Variants in LPP observed in about 807,000 individuals in gnomAD.
LPP encodes the protein lipoma-preferred partner.
A neutral mutation model predicts 60.4 loss-of-function variants in LPP; 38 were observed. The observed-to-expected ratio is 0.63, with a 90% CI of 0.49 to 0.83. The LOEUF is 0.83. Ranked by LOEUF, LPP falls within the 40% of genes least tolerant of loss-of-function variation. LPP has a pLI of 0.00. For synonymous variants in LPP, 328 were observed against 290.8 expected (o/e 1.13, Z -1.30); for missense variants, 902 against 783.6 (o/e 1.15, Z -1.80).
intron 10 of LPP, among the ~76,000 whole-genome samples, chr3:188,868,887 T>C (rs998610492): frequency 3.3e-5 from 5 of 152,088 alleles, no homozygotes; most frequent in Admixed American, 6.6e-5. Flanking sequence ...AGGAGAGAAA[T>C]TGTGCAGATA....
chr3:188,262,930 T>C (rs1257399991), intron 2 of LPP, among the ~76,000 whole-genome samples: 1 of 151,914 alleles, frequency 6.6e-6, no homozygotes, highest in Non-Finnish European at 1.5e-5. Context: ...TACTAGGTCA[T>C]AGAAACAGTG....
intron 3 of LPP, among the ~76,000 whole-genome samples, chr3:188,351,747 C>G (rs529931747): frequency 6.6e-6 from 1 of 152,236 alleles, no homozygotes; most frequent in East Asian, 1.9e-4. Context: ...TCCTAGAACA[C>G]GGGTGTAGGG....
At chr3:188,655,695 GTTC>G (rs1321685352) in intron 7 of LPP, among the ~76,000 whole-genome samples, 1 of 152,130 alleles carries the variant, frequency 6.6e-6, no homozygotes, top group East Asian at 1.9e-4. Context: ...AGTTCAATGA[GTTC>G]TTCTCCAAGG....
chr3:188,718,059 G>T (rs1714791716), intron 8 of LPP, among the ~76,000 whole-genome samples: 1 of 152,188 alleles, frequency 6.6e-6, no homozygotes. Flanking sequence ...GACCTCAGGT[G>T]ATCCTCCTGC....
intron 1 of LPP, among the ~76,000 whole-genome samples, chr3:188,194,957 C>G (rs1729120381): frequency 6.6e-6 from 1 of 152,098 alleles, no homozygotes; most frequent in Non-Finnish European, 1.5e-5. Flanking sequence ...GTTGTTTTGA[C>G]CTAAGAAAGT....
chr3:188,824,196 C>T (rs1186907024), intron 9 of LPP, among the ~76,000 whole-genome samples: 1 of 152,148 alleles, frequency 6.6e-6, no homozygotes, highest in Non-Finnish European at 1.5e-5. Context: ...TACGTTCACT[C>T]ATTCGGGTGG....
chr3:188,211,092 G>A (rs1734575719), intron 1 of LPP, among the ~76,000 whole-genome samples: 1 of 152,196 alleles, frequency 6.6e-6, no homozygotes, highest in African/African-American at 2.4e-5. Context: ...AAATGAATGT[G>A]TAATGACCCT....
At chr3:188,428,330 G>A (rs1277619146) in intron 4 of LPP, among the ~76,000 whole-genome samples, 2 of 152,074 alleles carry the variant, frequency 1.3e-5, no homozygotes, top group East Asian at 1.9e-4. Flanking sequence ...GATCTCTCTG[G>A]GAGCTGCAGA....
intron 4 of LPP, among the ~76,000 whole-genome samples, chr3:188,460,728 G>T (rs1372363832): frequency 1.3e-5 from 2 of 152,170 alleles, no homozygotes. Context: ...TAGTTAACAT[G>T]ATCAAGATAT....
In LPP at chr3:188,879,148, T is replaced by G. The variant is rs541800628; in HGVS notation, c.*4669T>G. On this transcript the variant is annotated 3_prime_UTR_variant, in exon 12 of 12. Coordinates refer to ENST00000617246, the MANE Select transcript of LPP (RefSeq NM_001375462.1). Reference sequence around the variant, plus strand: ...TGACAGATAACTAGAATGAAACTTTTCTCATGAGGCTGTTGTTTGGTTAGC... The same window carrying G: ...TGACAGATAACTAGAATGAAACTTTGCTCATGAGGCTGTTGTTTGGTTAGC... 4.3e-6 allele frequency: 1 copy of G among 230,302 alleles called. No homozygotes were observed. The highest frequency in any genetic ancestry group is 2.2e-5 in the African/African-American group (1 of 45,244). The allele number at this position is 230,302 out of a possible 1,614,324, so 14.3% of individuals were successfully genotyped here.
rs10662278 is a variant in LPP, at chr3:188,624,779, T to TTTCCTTCCTTCCTTCCTTCCTTCCTTCC, written c.1113+14939_1113+14966dup. Among the ~76,000 whole-genome samples, 130 of 60,802 alleles carry TTTCCTTCCTTCCTTCCTTCCTTCCTTCC rather than the reference T, an allele frequency of 2.1e-3. 1 individual carries two copies. The highest frequency in any genetic ancestry group is 3.3e-3 in the South Asian group (3 of 916). 39.9% of individuals were successfully genotyped at this position (60,802 alleles called of 152,430 possible). On this transcript the variant is annotated intron_variant, in intron 7 of 11. Coordinates refer to ENST00000617246, the MANE Select transcript of LPP (RefSeq NM_001375462.1). ...CTCCTTCTCCTTCTCCTTCCTTCCT[T>TTTCCTTCCTTCCTTCCTTCCTTCCTTCC]TTCCTTCCTTCCTTCCTTCCTTCCT...
chr3:188,377,530 C>T (rs535412968), intron 3 of LPP, among the ~76,000 whole-genome samples: 76 of 152,274 alleles, frequency 5.0e-4, no homozygotes, highest in Non-Finnish European at 1.1e-3. Flanking sequence ...CGTCACGTAG[C>T]TCTTGTGCCT....
At chr3:188,232,921 A>G (rs1233936988) in intron 2 of LPP, among the ~76,000 whole-genome samples, 1 of 151,534 alleles carries the variant, frequency 6.6e-6, no homozygotes, top group African/African-American at 2.4e-5. Flanking sequence ...GTACCTATTG[A>G]GTGTGGTACT....
intron 6 of LPP, among the ~76,000 whole-genome samples, chr3:188,530,318 A>G (rs1373460993): frequency 6.6e-6 from 1 of 152,252 alleles, no homozygotes; most frequent in Non-Finnish European, 1.5e-5. Flanking sequence ...ATCCTCCATG[A>G]CGCTGCATGG....
chr3:188,684,249 G>T (rs1440784056), intron 7 of LPP, among the ~76,000 whole-genome samples: 1 of 152,212 alleles, frequency 6.6e-6, no homozygotes, highest in Non-Finnish European at 1.5e-5. Context: ...GACACATCAA[G>T]TTCCATGTAC....
intron 5 of LPP, among the ~76,000 whole-genome samples, chr3:188,509,130 C>T (rs1560496452): frequency 6.6e-6 from 1 of 152,144 alleles, no homozygotes; most frequent in Non-Finnish European, 1.5e-5. Context: ...CTAGCTTCAC[C>T]TGAGACCAAG....
At chr3:188,722,452 T>G (rs1716812779) in intron 8 of LPP, among the ~76,000 whole-genome samples, 1 of 152,196 alleles carries the variant, frequency 6.6e-6, no homozygotes. Context: ...CTTAGTAAAG[T>G]GAGCACTAGA....
rs560686286 is a variant in LPP at position 188,394,629 on chromosome 3, T to A, written c.-9-11483T>A. 1.1e-4 allele frequency among the ~76,000 whole-genome samples: 17 copies of A among 151,952 alleles called. No homozygotes were observed. In the South Asian group the frequency reaches 3.3e-3, roughly 30 times the overall value. On this transcript the variant is annotated intron_variant, in intron 3 of 11. Transcript: ENST00000617246. The stretch of plus-strand genomic sequence containing the variant: ...CCCAGAACATTAGCTGAGTATATTT[T>A]TCATGTATTTTATTTTATATTTTTA...
intron 5 of LPP, among the ~76,000 whole-genome samples, chr3:188,493,885 G>A (rs889323264): frequency 9.9e-5 from 15 of 151,928 alleles, no homozygotes; most frequent in Non-Finnish European, 1.6e-4. Flanking sequence ...CTACTACATG[G>A]AGGGATTTCT....
Sources: gnomAD v4.1 joint callset for allele counts (sites outside exome capture counted in the v4.1 genomes callset) on GRCh38, gnomAD v4.1.1 for gene constraint, MANE v1.5 for transcripts, NCBI Gene and HGNC (gene_info 2026-07-23, HGNC 2026-07-21) for gene names.